ATP10A: variants seen among roughly 807,000 people sequenced by gnomAD.
ATP10A encodes ATPase phospholipid transporting 10A (putative), also known as phospholipid-transporting ATPase VA.
Under a neutral mutation model 147.8 loss-of-function variants are expected in ATP10A, and 111 were observed. That is an observed-to-expected ratio of 0.75 (90% confidence interval 0.64 to 0.88). The LOEUF (loss-of-function observed/expected upper bound fraction) is 0.88, where lower values mean the gene tolerates loss of function less well. Ranked by LOEUF, ATP10A falls within the 40% of genes least tolerant of loss-of-function variation. ATP10A has a pLI of 0.00. For missense variants in ATP10A, 1,927 were observed against 1,959.0 expected (o/e 0.98, Z 0.31); for synonymous variants, 875 against 841.6 (o/e 1.04, Z -0.69).
chr15:25,857,769 A>G (rs193221043), intron 1 of ATP10A, among the ~76,000 whole-genome samples: 2 of 152,334 alleles, frequency 1.3e-5, no homozygotes, highest in African/African-American at 2.4e-5. Flanking sequence ...AAGTAAGGTA[A>G]TAACTGTGAA....
chr15:25,737,942 G>A (rs1216606334), intron 2 of ATP10A, among the ~76,000 whole-genome samples: 1 of 152,144 alleles, frequency 6.6e-6, no homozygotes, highest in East Asian at 1.9e-4. Context: ...ACTCCCGAAT[G>A]TCCAGCTTCC....
intron 12 of ATP10A, among the ~76,000 whole-genome samples, chr15:25,702,349 G>C (rs1900718753): frequency 6.6e-6 from 1 of 152,218 alleles, no homozygotes; most frequent in South Asian, 2.1e-4. Flanking sequence ...CGAGTGCGTA[G>C]GAATAACTGT....
chr15:25,702,053 T>C lies in ATP10A; in HGVS notation c.2623A>G (p.Ile875Val), dbSNP rs1331763678. Reference sequence around the variant, plus strand: ...AGGCCCGCTTGACGCAATTTAGAAATAGTTTCAGGGACTCCGTCCTGCAGG... The same window carrying C: ...AGGCCCGCTTGACGCAATTTAGAAACAGTTTCAGGGACTCCGTCCTGCAGG... Reference protein sequence around the residue: ...DRLQDGVPETISKLRQAGLQI... With the variant: ...DRLQDGVPETVSKLRQAGLQI... The change falls in exon 13 of 21, where the codon ATT (isoleucine) becomes GTT (valine). Residue 875 changes from isoleucine to valine, a missense_variant. Coordinates refer to ENST00000555815, the MANE Select transcript of ATP10A (RefSeq NM_024490.4). 8.1e-6 allele frequency: 13 copies of C among 1,614,020 alleles called. No homozygotes were observed. Among genetic ancestry groups the C allele is most frequent in the Non-Finnish European group, 1.1e-5 (13 of 1,180,016 alleles).
At chr15:25,683,254 A>G (rs752719498) in intron 17 of ATP10A, 32 bp downstream of exon 17, 6 of 1,601,720 alleles carry the variant, frequency 3.7e-6, no homozygotes, top group Non-Finnish European at 5.1e-6. Flanking sequence ...AGAGCTCAGG[A>G]GGTGGAAGGC....
intron 1 of ATP10A, among the ~76,000 whole-genome samples, chr15:25,794,757 T>C (rs1031022529): frequency 6.6e-6 from 1 of 152,222 alleles, no homozygotes; most frequent in African/African-American, 2.4e-5. Flanking sequence ...CAAACTGAGT[T>C]TTCCTCCTTG....
chr15:25,711,019 G>A (rs1322886634), intron 10 of ATP10A: 1 of 91,712 alleles, frequency 1.1e-5, no homozygotes, highest in Non-Finnish European at 2.2e-5. Context: ...GGGAAACTGA[G>A]GCACAGAGTG....
chr15:25,737,471 CAGT>C (rs1887351356), intron 2 of ATP10A, among the ~76,000 whole-genome samples: 1 of 152,164 alleles, frequency 6.6e-6, no homozygotes, highest in Non-Finnish European at 1.5e-5. Flanking sequence ...GGCTCAGAAA[CAGT>C]AGGACATTCT....
intron 1 of ATP10A, among the ~76,000 whole-genome samples, chr15:25,804,633 G>A (rs553564326): frequency 3.2e-4 from 48 of 152,212 alleles, no homozygotes; most frequent in African/African-American, 9.1e-4. Flanking sequence ...AGGTCCACCC[G>A]GCCACCCACT....
At chr15:25,756,508 T>C (rs1397590903) in intron 2 of ATP10A, among the ~76,000 whole-genome samples, 4 of 152,080 alleles carry the variant, frequency 2.6e-5, no homozygotes, top group African/African-American at 9.7e-5. Context: ...CTGGGTGTGG[T>C]GGCGGGCACC....
intron 1 of ATP10A, among the ~76,000 whole-genome samples, chr15:25,846,450 C>T (rs115543413): frequency 0.018 from 2,812 of 152,292 alleles, 51 homozygotes; most frequent in African/African-American, 0.046. Context: ...CAAGTTAGCA[C>T]GTGGTCCACT....
chr15:25,705,456 A>AAC (rs1389754436), intron 12 of ATP10A, among the ~76,000 whole-genome samples: 2 of 5,852 alleles, frequency 3.4e-4, no homozygotes, highest in African/African-American at 9.5e-4. Flanking sequence ...AAAAAAAACA[A>AAC]AAAAAAAAAA....
At chr15:25,699,256 C>T (rs1025982201) in intron 13 of ATP10A, among the ~76,000 whole-genome samples, 7 of 152,118 alleles carry the variant, frequency 4.6e-5, no homozygotes, top group African/African-American at 1.7e-4. Context: ...AAGGGATAGA[C>T]AAACAAATGA....
chr15:25,766,279 G>A (rs1889020093), intron 2 of ATP10A, among the ~76,000 whole-genome samples: 1 of 152,162 alleles, frequency 6.6e-6, no homozygotes, highest in Non-Finnish European at 1.5e-5. Context: ...AGATTTGGGT[G>A]GGGACAAACC....
intron 2 of ATP10A, among the ~76,000 whole-genome samples, chr15:25,749,926 C>T (rs569834574): frequency 7.9e-5 from 12 of 151,854 alleles, no homozygotes; most frequent in African/African-American, 9.7e-5. Flanking sequence ...ACTATCCAAA[C>T]GGAAATACTA....
chr15:25,685,925 C>T (rs1899689581), intron 16 of ATP10A, among the ~76,000 whole-genome samples: 1 of 152,146 alleles, frequency 6.6e-6, no homozygotes, highest in Non-Finnish European at 1.5e-5. Context: ...CTGCCCACCC[C>T]CATTCATCCC....
intron 2 of ATP10A, among the ~76,000 whole-genome samples, chr15:25,745,465 T>C (rs1281878413): frequency 6.6e-6 from 1 of 152,072 alleles, no homozygotes; most frequent in African/African-American, 2.4e-5. Context: ...CTCATGCCTG[T>C]AATCCAAGCA....
At chr15:25,792,947 C>T (rs957380171) in intron 1 of ATP10A, among the ~76,000 whole-genome samples, 1 of 150,572 alleles carries the variant, frequency 6.6e-6, no homozygotes, top group Non-Finnish European at 1.5e-5. Flanking sequence ...CCTGACTCAC[C>T]GCAACCTCCA....
chr15:25,761,297 G>T (rs1888744167), intron 2 of ATP10A, among the ~76,000 whole-genome samples: 1 of 152,182 alleles, frequency 6.6e-6, no homozygotes, highest in African/African-American at 2.4e-5. Flanking sequence ...GTATGAGTCT[G>T]TTCTCACACT....
At chr15:25,806,558 C>T (rs966873214) in intron 1 of ATP10A, among the ~76,000 whole-genome samples, 8 of 152,018 alleles carry the variant, frequency 5.3e-5, no homozygotes, top group African/African-American at 1.2e-4. Flanking sequence ...GTGATCCGCC[C>T]GCCTCAGCCT....
Sources: allele counts gnomAD v4.1 joint callset (sites outside exome capture counted in the v4.1 genomes callset), GRCh38; gene constraint gnomAD v4.1.1; transcripts MANE v1.5; gene names NCBI Gene and HGNC (gene_info 2026-07-23, HGNC 2026-07-21).